The following GAN variants were observed in gnomAD, a reference collection of about 807,000 sequenced individuals.
GAN encodes the protein epididymis secretory sperm binding protein.
A neutral mutation model predicts 71.3 loss-of-function variants in GAN; 48 were observed. The ratio of observed to expected loss-of-function variants is 0.67; its 90% CI spans 0.53 to 0.86. The LOEUF is 0.86. Ranked by LOEUF, GAN falls within the 40% of genes least tolerant of loss-of-function variation. The pLI is 0.00. For missense variants in GAN, 928 were observed against 770.1 expected (o/e 1.21, Z -2.43); for synonymous variants, 386 against 276.8 (o/e 1.39, Z -3.92).
chr16:81,361,539 G>C (rs148183621), intron 5 of GAN, among the ~76,000 whole-genome samples: 2 of 150,152 alleles, frequency 1.3e-5, no homozygotes, highest in Non-Finnish European at 2.9e-5. Flanking sequence ...TTAAACTTCT[G>C]TCTTTTTCAT....
chr16:81,318,066 G>T (rs145171641), intron 1 of GAN, among the ~76,000 whole-genome samples: 4 of 152,096 alleles, frequency 2.6e-5, no homozygotes, highest in African/African-American at 9.7e-5. Flanking sequence ...TGTTAATTTT[G>T]TATTTTTACT....
At chr16:81,344,749 C>T (rs1052451832) in intron 1 of GAN, among the ~76,000 whole-genome samples, 79 of 152,140 alleles carry the variant, frequency 5.2e-4, no homozygotes, top group African/African-American at 1.3e-3. Flanking sequence ...AAGCCAAAAA[C>T]GACAAATGGG....
Position 81,338,965 on chromosome 16 carries a change from A to G in GAN, c.168-12618A>G, listed in dbSNP as rs1306050999. Among the ~76,000 whole-genome samples, 4 of 152,264 alleles carry G rather than the reference A, an allele frequency of 2.6e-5. No individual in the cohort carries two copies. In the South Asian group the frequency reaches 6.2e-4, roughly 24 times the overall value. On this transcript the variant is annotated intron_variant, in intron 1 of 10. Transcript: ENST00000648994. ...ATGGTCTGCACATTGTTACCTGCCC[A>G]TGATCATAGAAGCTCAAGAGTTTAG...
chr16:81,362,291 A>G (rs1303739604), intron 5 of GAN, among the ~76,000 whole-genome samples: 1 of 152,312 alleles, frequency 6.6e-6, no homozygotes, highest in African/African-American at 2.4e-5. Flanking sequence ...AAATCCCCTC[A>G]AAGACAGTAA....
intron 1 of GAN, among the ~76,000 whole-genome samples, chr16:81,316,063 C>G (rs1210480132): frequency 6.6e-6 from 1 of 152,222 alleles, no homozygotes; most frequent in Non-Finnish European, 1.5e-5. Context: ...AAAGCTTAAC[C>G]TGATTTGCCA....
At position 81,365,378 on chromosome 16, in the gene GAN, A is replaced by T. The variant is rs375408288; in HGVS notation, c.1402A>T (p.Met468Leu). 2 of 1,613,636 alleles carry T rather than the reference A, an allele frequency of 1.2e-6. No individual in the cohort carries two copies. Among genetic ancestry groups the T allele is most frequent in the South Asian group, 1.1e-5 (1 of 91,040 alleles). The change falls in exon 9 of 11, where the codon ATG (methionine) becomes TTG (leucine). Residue 468 changes from methionine to leucine, a missense_variant. Met to Leu is a conservative substitution (Grantham distance 15, BLOSUM62 2). Transcript: ENST00000648994. ...RFGAVACGVA[M>L]ELYVFGGVRS... ...TGGAGCGGTGGCCTGTGGAGTTGCT[A>T]TGGAGCTGTATGTGTTTGGGGGAGT...
chr16:81,335,886 A>G (rs113719090), intron 1 of GAN, among the ~76,000 whole-genome samples: 1 of 152,202 alleles, frequency 6.6e-6, no homozygotes, highest in African/African-American at 2.4e-5. Context: ...GAGAAAAATT[A>G]AAAGGAAATA....
chr16:81,339,479 G>A (rs2150676903), intron 1 of GAN, among the ~76,000 whole-genome samples: 1 of 152,322 alleles, frequency 6.6e-6, no homozygotes, highest in East Asian at 1.9e-4. Flanking sequence ...TATTGTACAT[G>A]TAATCATCAA....
At chr16:81,320,673 T>C (rs1909194625) in intron 1 of GAN, among the ~76,000 whole-genome samples, 1 of 152,256 alleles carries the variant, frequency 6.6e-6, no homozygotes, top group South Asian at 2.1e-4. Context: ...GGGGTTCAGT[T>C]AGAAGCTCCA....
chr16:81,366,334 C>G (rs1035360906), intron 9 of GAN, among the ~76,000 whole-genome samples: 2 of 152,198 alleles, frequency 1.3e-5, no homozygotes, highest in African/African-American at 4.8e-5. Flanking sequence ...TTCTGAGATT[C>G]TTAAAACCTC....
In GAN at chr16:81,380,345, A is replaced by G. The variant is rs1162692502; in HGVS notation, c.*2749A>G. 6.6e-6 allele frequency: 1 copy of G among 152,624 alleles called. No homozygotes were observed. The highest frequency in any genetic ancestry group is 1.5e-5 in the Non-Finnish European group (1 of 68,038). 9.5% of individuals were successfully genotyped at this position (152,624 alleles called of 1,614,324 possible). ...TACAAATATCTTTGGGGGAAGTGCA[A>G]TTTATTTTCAGAAGGAAAGTTGTCT... On this transcript the variant is annotated 3_prime_UTR_variant, in exon 11 of 11. Coordinates refer to ENST00000648994, the MANE Select transcript of GAN (RefSeq NM_022041.4).
chr16:81,351,221 A>G (rs1275389686), intron 1 of GAN, among the ~76,000 whole-genome samples: 1 of 152,174 alleles, frequency 6.6e-6, no homozygotes, highest in African/African-American at 2.4e-5. Context: ...TTTGGATGGC[A>G]GGTTTGTGGA....
chr16:81,364,134 TGA>T (rs1301357423), intron 7 of GAN, among the ~76,000 whole-genome samples, 191 bp downstream of exon 7: 1 of 152,138 alleles, frequency 6.6e-6, no homozygotes, highest in Non-Finnish European at 1.5e-5. Context: ...TGAGCGTGTG[TGA>T]GAGTTTATCC....
rs1904299156 is a variant in GAN, at chr16:81,380,415, A to G, written c.*2819A>G. The G allele has an allele frequency of 6.6e-6, 1 of 152,658 alleles. No individual in the cohort carries two copies. The highest frequency in any genetic ancestry group is 2.4e-5 in the African/African-American group (1 of 41,466). 9.5% of individuals were successfully genotyped at this position (152,658 alleles called of 1,614,324 possible). On this transcript the variant is annotated 3_prime_UTR_variant, in exon 11 of 11. Coordinates refer to ENST00000648994, the MANE Select transcript of GAN (RefSeq NM_022041.4). ...ATTTAAAGAACCTCTCCTAGGCTGC[A>G]GTCTAAAATAGGTAGTTTGTTTCTT...
chr16:81,321,802 G>A (rs59586584), intron 1 of GAN, among the ~76,000 whole-genome samples: 3,843 of 152,246 alleles, frequency 0.025, 78 homozygotes, highest in East Asian at 0.094. Context: ...TCTGGGTTAA[G>A]GGTGGAGATA....
chr16:81,369,065 G>A (rs1020276187), intron 9 of GAN, among the ~76,000 whole-genome samples: 7 of 152,046 alleles, frequency 4.6e-5, no homozygotes, highest in Non-Finnish European at 8.8e-5. Context: ...TACTGCCTCC[G>A]TGCATTCGCT....
intron 1 of GAN, among the ~76,000 whole-genome samples, chr16:81,342,976 A>G (rs1223851069): frequency 6.6e-6 from 1 of 152,212 alleles, no homozygotes; most frequent in Non-Finnish European, 1.5e-5. Context: ...AATACAAACT[A>G]CCTTCAGAGA....
rs769284023 is a variant in GAN, at chr16:81,356,963, A to G, written c.812A>G (p.Tyr271Cys). The G allele has an allele frequency of 6.2e-7, 1 of 1,612,610 alleles. No individual in the cohort carries two copies. Among genetic ancestry groups the G allele is most frequent in the African/African-American group, 1.3e-5 (1 of 74,864 alleles). ...CTGGCCAACTTCAAACCCCGGGGCT[A>G]CTCTGAGTGCATCGTGACTGTTGGT... ...AMLANFKPRG[Y>C]SECIVTVGGE... is the part of the protein sequence containing the mutation. The change falls in exon 4 of 11, where the codon TAC (tyrosine) becomes TGC (cysteine). Residue 271 changes from tyrosine (Y) to cysteine (C), a missense_variant. By Grantham distance (194) the Tyr-to-Cys change is radical. Coordinates refer to ENST00000648994, the MANE Select transcript of GAN (RefSeq NM_022041.4).
chr16:81,341,053 A>T (rs1189994379), intron 1 of GAN, among the ~76,000 whole-genome samples: 1 of 151,938 alleles, frequency 6.6e-6, no homozygotes, highest in East Asian at 1.9e-4. Flanking sequence ...GTGACTGAAG[A>T]TCAGATTAAT....
Sources: allele counts gnomAD v4.1 joint callset (sites outside exome capture counted in the v4.1 genomes callset), GRCh38; gene constraint gnomAD v4.1.1; transcripts MANE v1.5; gene names NCBI Gene and HGNC (gene_info 2026-07-23, HGNC 2026-07-21).